Variants in BTNL8 observed in about 807,000 individuals in gnomAD.
BTNL8 encodes butyrophilin-like protein 8.
BTNL8 carries 22 observed loss-of-function variants against 36.1 expected under a neutral mutation model. That is an observed-to-expected ratio of 0.61 (90% CI 0.44 to 0.87). BTNL8 has a LOEUF of 0.87. Among genes scored for constraint, BTNL8 ranks in the 40% least tolerant of loss-of-function variants. The pLI is 0.00. For synonymous variants in BTNL8, 203 were observed against 235.6 expected, an observed-to-expected ratio of 0.86 and a Z score of 1.27; for missense variants, 526 against 616.9, an observed-to-expected ratio of 0.85 and a Z score of 1.56.
chr5:180,932,981 A>AGTGAGG (rs1269017996), intron 3 of BTNL8, among the ~76,000 whole-genome samples: 1 of 143,670 alleles, frequency 7.0e-6, no homozygotes, highest in Non-Finnish European at 1.5e-5. Context: ...GGGATGAAAA[A>AGTGAGG]GGATATTCCA....
chr5:180,943,503 A>G (rs570099220), intron 3 of BTNL8, among the ~76,000 whole-genome samples: 1 of 152,342 alleles, frequency 6.6e-6, no homozygotes, highest in East Asian at 1.9e-4. Context: ...AAATCTGTTC[A>G]GTATCACTAG....
rs1043468073 is a variant in BTNL8, at chr5:180,935,149, C to T, written c.674-12363C>T. Among the ~76,000 whole-genome samples the T allele has an allele frequency of 6.6e-6, 1 of 152,112 alleles. No individual in the cohort carries two copies. Among genetic ancestry groups the T allele is most frequent in the African/African-American group, 2.4e-5 (1 of 41,412 alleles). Reference sequence around the variant, plus strand: ...TGCATGCTGATTGGTTCATGGATGGCCATGGGTGGCTGGGAAAAAGCACCA... The same window carrying T: ...TGCATGCTGATTGGTTCATGGATGGTCATGGGTGGCTGGGAAAAAGCACCA... On this transcript the variant is annotated intron_variant, in intron 3 of 7. Coordinates refer to ENST00000340184, the MANE Select transcript of BTNL8 (RefSeq NM_001040462.3). The surrounding 1 kb of genome is among the most constrained non-coding windows in gnomAD (Gnocchi z 4.8).
chr5:180,901,985 G>C (rs1756841732), intron 1 of BTNL8, among the ~76,000 whole-genome samples: 1 of 152,178 alleles, frequency 6.6e-6, no homozygotes, highest in Non-Finnish European at 1.5e-5. Flanking sequence ...AACTAAGGAA[G>C]TACAAATAAT....
At chr5:180,911,903 C>T (rs918838149) in intron 3 of BTNL8, among the ~76,000 whole-genome samples, 1 of 152,070 alleles carries the variant, frequency 6.6e-6, no homozygotes, top group Admixed American at 6.5e-5. Context: ...ACGATTTGCT[C>T]AGATTTGGTC....
chr5:180,923,430 T>C (rs973253280), intron 3 of BTNL8, among the ~76,000 whole-genome samples: 1 of 152,136 alleles, frequency 6.6e-6, no homozygotes, highest in Admixed American at 6.5e-5. Flanking sequence ...TATATAAGTT[T>C]CAACATCTAA....
intron 3 of BTNL8, among the ~76,000 whole-genome samples, chr5:180,926,100 T>C (rs1758083688): frequency 6.6e-6 from 1 of 152,080 alleles, no homozygotes; most frequent in Non-Finnish European, 1.5e-5. Context: ...AGGGAGGTGA[T>C]TTCTGCATTT....
At chr5:180,899,522 T>G (rs1391208179) in intron 1 of BTNL8, among the ~76,000 whole-genome samples, 163 bp downstream of exon 1, 2 of 152,168 alleles carry the variant, frequency 1.3e-5, no homozygotes, top group Admixed American at 1.3e-4. Flanking sequence ...ACAATTATAG[T>G]AGCCCCCAAA....
intron 3 of BTNL8, among the ~76,000 whole-genome samples, chr5:180,939,295 A>G (rs922693584): frequency 2.6e-5 from 4 of 152,172 alleles, no homozygotes; most frequent in Non-Finnish European, 5.9e-5. Flanking sequence ...ATCCCATTAT[A>G]TGGTGCCCAG....
At chr5:180,945,973 C>G (rs542568194) in intron 3 of BTNL8, 1 of 164,910 alleles carries the variant, frequency 6.1e-6, no homozygotes, top group South Asian at 1.5e-4. Flanking sequence ...GCTCTTTGTA[C>G]ATAAAATAAA....
chr5:180,924,906 A>G (rs1758029651), intron 3 of BTNL8, among the ~76,000 whole-genome samples: 1 of 152,188 alleles, frequency 6.6e-6, no homozygotes, highest in Non-Finnish European at 1.5e-5. Flanking sequence ...TAGAAAATAA[A>G]TAACATTTGA....
chr5:180,931,699 G>A (rs369849447), intron 3 of BTNL8, among the ~76,000 whole-genome samples: 3 of 151,434 alleles, frequency 2.0e-5, no homozygotes, highest in African/African-American at 4.8e-5. Context: ...GCCAACAAAC[G>A]TGAAAAAAAG....
intron 3 of BTNL8, among the ~76,000 whole-genome samples, chr5:180,929,611 A>T (rs931384389): frequency 6.6e-6 from 1 of 152,216 alleles, no homozygotes; most frequent in African/African-American, 2.4e-5. Context: ...AATAGACACA[A>T]TAAAAAATGA....
intron 3 of BTNL8, among the ~76,000 whole-genome samples, chr5:180,934,837 C>T (rs866548244): frequency 1.3e-4 from 20 of 152,288 alleles, no homozygotes; most frequent in African/African-American, 4.3e-4. Context: ...GCAAACAGGG[C>T]GGTGTGTATC....
intron 3 of BTNL8, among the ~76,000 whole-genome samples, chr5:180,927,390 G>A (rs1197174317): frequency 3.3e-5 from 5 of 152,200 alleles, no homozygotes; most frequent in East Asian, 3.8e-4. Flanking sequence ...GTGCAAAAAG[G>A]CTGAAAATTC....
intron 3 of BTNL8, among the ~76,000 whole-genome samples, chr5:180,927,488 A>G (rs1758159630): frequency 6.6e-6 from 1 of 152,190 alleles, no homozygotes; most frequent in South Asian, 2.1e-4. Context: ...AGTTTGATGA[A>G]TTGACAGAAG....
At chr5:180,909,010 A>T in intron 2 of BTNL8, 77 bp downstream of exon 2, 1 of 1,425,118 alleles carries the variant, frequency 7.0e-7, no homozygotes, top group Non-Finnish European at 9.5e-7. Context: ...CAATAAGGAA[A>T]TTTTAAAATT....
intron 3 of BTNL8, among the ~76,000 whole-genome samples, chr5:180,930,174 T>C (rs751956975): frequency 2.0e-5 from 3 of 152,196 alleles, no homozygotes; most frequent in African/African-American, 7.2e-5. Context: ...CGCAAATTAA[T>C]AAACGTAATC....
At chr5:180,931,903 TTCC>T (rs1408717556) in intron 3 of BTNL8, among the ~76,000 whole-genome samples, 4 of 152,198 alleles carry the variant, frequency 2.6e-5, no homozygotes, top group Non-Finnish European at 5.9e-5. Context: ...AGTGTGGCGA[TTCC>T]TCAAGGATCT....
At chr5:180,926,525 C>T (rs930006608) in intron 3 of BTNL8, among the ~76,000 whole-genome samples, 1 of 152,192 alleles carries the variant, frequency 6.6e-6, no homozygotes, top group African/African-American at 2.4e-5. Flanking sequence ...AGTGGTCTAG[C>T]TCAGTGGATC....
Sources: allele counts gnomAD v4.1 joint callset (sites outside exome capture counted in the v4.1 genomes callset), GRCh38; gene constraint gnomAD v4.1.1; non-coding constraint Gnocchi (gnomAD v3.1); transcripts MANE v1.5; gene names NCBI Gene and HGNC (gene_info 2026-07-23, HGNC 2026-07-21).